The following NNT variants were observed in gnomAD, a reference collection of about 807,000 sequenced individuals.
NNT encodes nicotinamide nucleotide transhydrogenase.
NNT carries 50 observed loss-of-function variants against 104.8 expected under a neutral mutation model. That is an observed-to-expected ratio of 0.48 (90% confidence interval 0.38 to 0.60). The LOEUF (loss-of-function observed/expected upper bound fraction) is 0.60. Among genes scored for constraint, NNT ranks in the 20% least tolerant of loss-of-function variants. NNT has a pLI of 0.00. For synonymous variants in NNT, 461 were observed against 490.4 expected, an observed-to-expected ratio of 0.94 and a Z score of 0.79; for missense variants, 1,131 against 1,330.7, an observed-to-expected ratio of 0.85 and a Z score of 2.33.
chr5:43,615,760 C>A, intron 3 of NNT, 88 bp from the exon 4 acceptor site: 2 of 957,212 alleles, frequency 2.1e-6, no homozygotes, highest in East Asian at 2.6e-5. Flanking sequence ...TTATTTCAGT[C>A]ATGGCATATT....
At chr5:43,620,144 C>G (rs1749999958) in intron 5 of NNT, among the ~76,000 whole-genome samples, 1 of 152,168 alleles carries the variant, frequency 6.6e-6, no homozygotes. Context: ...CACATCCAAA[C>G]CACAGCACTA....
chr5:43,618,000 G>C (rs988694605), intron 4 of NNT, among the ~76,000 whole-genome samples: 1 of 152,266 alleles, frequency 6.6e-6, no homozygotes, highest in Non-Finnish European at 1.5e-5. Flanking sequence ...AGTTTTAATA[G>C]TTGCTTTATA....
intron 10 of NNT, among the ~76,000 whole-genome samples, chr5:43,646,594 A>G (rs1288891580): frequency 2.0e-5 from 3 of 151,830 alleles, no homozygotes; most frequent in Non-Finnish European, 4.4e-5. Context: ...CATCAAATGT[A>G]TTGAGAAGTG....
chr5:43,658,669 A>C (rs1561297812), intron 16 of NNT, among the ~76,000 whole-genome samples: 2 of 152,212 alleles, frequency 1.3e-5, no homozygotes, highest in Non-Finnish European at 2.9e-5. Context: ...TAGAATTTAT[A>C]AACAGAAACT....
chr5:43,645,943 G>T (rs959294281), intron 10 of NNT, among the ~76,000 whole-genome samples: 16 of 151,610 alleles, frequency 1.1e-4, no homozygotes, highest in Non-Finnish European at 2.1e-4. Flanking sequence ...TCGATCTCCT[G>T]ACCTCGTGAT....
chr5:43,667,300 C>T (rs1740761852), intron 17 of NNT: 3 of 648,104 alleles, frequency 4.6e-6, no homozygotes, highest in Non-Finnish European at 8.1e-6. Flanking sequence ...ACTTTAAGTT[C>T]TAGGGTACAT....
chr5:43,677,985 T>C (rs1057001038), intron 19 of NNT, among the ~76,000 whole-genome samples, 179 bp downstream of exon 19: 2 of 152,218 alleles, frequency 1.3e-5, no homozygotes, highest in Non-Finnish European at 2.9e-5. Flanking sequence ...CTACTGCTGA[T>C]CAGAATGCTT....
At chr5:43,624,704 ATTGTCT>A (rs1326066568) in intron 6 of NNT, among the ~76,000 whole-genome samples, 1 of 152,220 alleles carries the variant, frequency 6.6e-6, no homozygotes, top group Non-Finnish European at 1.5e-5. Context: ...ATTTTCCTAG[ATTGTCT>A]TTAAAGAGAA....
intron 19 of NNT, among the ~76,000 whole-genome samples, chr5:43,688,634 C>G (rs1742105709): frequency 6.6e-6 from 1 of 152,076 alleles, no homozygotes; most frequent in South Asian, 2.1e-4. Flanking sequence ...TAGCTTAGCT[C>G]CCACTTATGA....
Position 43,675,654 on chromosome 5 carries a change from C to T in NNT, c.2778C>T (p.Ser926=), listed in dbSNP as rs1451092520. 1 of 1,603,494 alleles carries T rather than the reference C, an allele frequency of 6.2e-7. No individual in the cohort carries two copies. Among genetic ancestry groups the T allele is most frequent in the Non-Finnish European group, 8.5e-7 (1 of 1,175,636 alleles). ...TTGACATGATTCGAGAAGCTAATAGCATTATTATTACACCAGGTAAAGAAA... is the reference window on the plus strand; with the variant it reads ...TTGACATGATTCGAGAAGCTAATAGTATTATTATTACACCAGGTAAAGAAA... ...NAIDMIREAN[S]IIITPGYGLC... Residue 926 remains serine, a synonymous_variant, in exon 18 of 22, where the codon AGC becomes AGT. Coordinates refer to ENST00000344920, the MANE Select transcript of NNT (RefSeq NM_182977.3).
chr5:43,678,911 TCTCA>T (rs1448683605), intron 19 of NNT, among the ~76,000 whole-genome samples: 1 of 152,222 alleles, frequency 6.6e-6, no homozygotes, highest in East Asian at 1.9e-4. Flanking sequence ...TCCTTTCTTG[TCTCA>T]CTCCTTCTCC....
At chr5:43,680,873 T>C (rs1561318594) in intron 19 of NNT, among the ~76,000 whole-genome samples, 1 of 152,128 alleles carries the variant, frequency 6.6e-6, no homozygotes, top group Non-Finnish European at 1.5e-5. Flanking sequence ...ACAACAATCT[T>C]ACGACGTAAG....
intron 19 of NNT, among the ~76,000 whole-genome samples, chr5:43,691,753 A>G (rs116602813): frequency 0.023 from 3,513 of 152,322 alleles, 62 homozygotes; most frequent in Admixed American, 0.037. Context: ...TTTAAGATAC[A>G]TTCTTTTGGA....
In NNT at chr5:43,616,540, G is replaced by A. The variant is rs1321144060; in HGVS notation, c.599+475G>A. 2.0e-5 allele frequency among the ~76,000 whole-genome samples: 3 copies of A among 152,298 alleles called. No homozygotes were observed. In the East Asian group the frequency reaches 5.8e-4, roughly 29 times the overall value. On this transcript the variant is annotated intron_variant, in intron 4 of 21. Coordinates refer to ENST00000344920, the MANE Select transcript of NNT (RefSeq NM_182977.3). Reference sequence around the variant, plus strand: ...ATTTAAAGAATAGGAAAAAGGTCTGGACTAGAGGAAGTTTCATCTGATGTC... The same window carrying A: ...ATTTAAAGAATAGGAAAAAGGTCTGAACTAGAGGAAGTTTCATCTGATGTC...
intron 5 of NNT, among the ~76,000 whole-genome samples, chr5:43,620,168 T>G (rs1379674332): frequency 6.6e-6 from 1 of 152,198 alleles, no homozygotes; most frequent in African/African-American, 2.4e-5. Context: ...ACAGGAAACC[T>G]GACTTTAAAT....
chr5:43,683,837 T>C (rs1475698862), intron 19 of NNT, among the ~76,000 whole-genome samples: 1 of 152,202 alleles, frequency 6.6e-6, no homozygotes, highest in African/African-American at 2.4e-5. Flanking sequence ...TTCATAATCT[T>C]GTTGCCTATT....
chr5:43,703,692 T>C (rs1444582435), intron 21 of NNT, among the ~76,000 whole-genome samples: 1 of 152,194 alleles, frequency 6.6e-6, no homozygotes, highest in Non-Finnish European at 1.5e-5. Flanking sequence ...ATCAATATTA[T>C]AGATTGACTT....
chr5:43,611,439 C>G (rs1191546268), intron 2 of NNT, among the ~76,000 whole-genome samples: 1 of 152,066 alleles, frequency 6.6e-6, no homozygotes, highest in African/African-American at 2.4e-5. Flanking sequence ...CTTGCTTTTG[C>G]CATGTAGAGC....
At chr5:43,640,245 A>G (rs1383343727) in intron 7 of NNT, among the ~76,000 whole-genome samples, 1 of 152,056 alleles carries the variant, frequency 6.6e-6, no homozygotes, top group Admixed American at 6.6e-5. Flanking sequence ...TAAACATTGG[A>G]TATATTCATT....
Sources: allele counts gnomAD v4.1 joint callset (sites outside exome capture counted in the v4.1 genomes callset), GRCh38; gene constraint gnomAD v4.1.1; transcripts MANE v1.5; gene names NCBI Gene and HGNC (gene_info 2026-07-23, HGNC 2026-07-21).